SRD5A3: variants seen among roughly 807,000 people sequenced by gnomAD.
SRD5A3 encodes polyprenal reductase.
A neutral mutation model predicts 34.3 loss-of-function variants in SRD5A3; 24 were observed. The observed-to-expected ratio is 0.70, with a 90% CI of 0.51 to 0.99. The LOEUF is 0.99. Among genes scored for constraint, SRD5A3 ranks in the 50% least tolerant of loss-of-function variants. The pLI is 0.00. For missense variants in SRD5A3, 350 were observed against 388.2 expected, an observed-to-expected ratio of 0.90 and a Z score of 0.83; for synonymous variants, 161 against 167.3, an observed-to-expected ratio of 0.96 and a Z score of 0.29.
In SRD5A3 at chr4:55,372,532, G is replaced by A. The variant is rs1315938512; in HGVS notation, c.*2441G>A. The A allele has an allele frequency of 1.3e-5, 2 of 152,136 alleles. No homozygotes were observed. Among genetic ancestry groups the A allele is most frequent in the African/African-American group, 4.8e-5 (2 of 41,416 alleles). 9.4% of individuals were successfully genotyped at this position (152,136 alleles called of 1,614,324 possible). On this transcript the variant is annotated 3_prime_UTR_variant, in exon 5 of 5. Transcript: ENST00000264228. ...GCCTTTGGTGAAAGCGTCACCGATG[G>A]GAAATAATTGAGAATTGTGCAGTGC...
chr4:55,353,082 G>C (rs1217378417), intron 1 of SRD5A3, among the ~76,000 whole-genome samples: 1 of 152,188 alleles, frequency 6.6e-6, no homozygotes, highest in Non-Finnish European at 1.5e-5. Context: ...AGGATGATTG[G>C]CCATCATGTG....
intron 1 of SRD5A3, among the ~76,000 whole-genome samples, chr4:55,357,343 A>G (rs1177424920): frequency 6.6e-6 from 1 of 152,256 alleles, no homozygotes; most frequent in Non-Finnish European, 1.5e-5. Context: ...TTAAGTACGT[A>G]AAGTGGCTGG....
At chr4:55,362,927 C>T (rs111888929) in intron 2 of SRD5A3, among the ~76,000 whole-genome samples, 1 of 150,694 alleles carries the variant, frequency 6.6e-6, no homozygotes, top group South Asian at 2.1e-4. Flanking sequence ...CTCACTGCAA[C>T]CTCCACCTCC....
intron 1 of SRD5A3, among the ~76,000 whole-genome samples, chr4:55,350,060 A>G (rs908591850): frequency 1.3e-5 from 2 of 152,130 alleles, no homozygotes; most frequent in Non-Finnish European, 2.9e-5. Flanking sequence ...TCTTGTTAGT[A>G]GACACATTAA....
rs541054119 is a variant in SRD5A3, at chr4:55,364,127, A to G, written c.418A>G (p.Ser140Gly). 49 of 1,614,222 alleles carry G rather than the reference A, an allele frequency of 3.0e-5. 1 individual carries two copies. The South Asian group carries it at 5.1e-4, about 17-fold the overall frequency. Residue 140 changes from serine to glycine, a missense_variant, in exon 3 of 5, where the codon AGC (serine) becomes GGC (glycine). Around this residue, in one of 3 missense-constraint regions of SRD5A3, gnomAD observed 186 missense variants for 221.4 expected, o/e 0.84. Coordinates refer to ENST00000264228, the MANE Select transcript of SRD5A3 (RefSeq NM_024592.5). ...FLVLVFLWLH[S>G]LRRLFECLYV... is the part of the protein sequence containing the mutation. ...AGTGCTAGTATTTCTGTGGCTGCAC[A>G]GCTTACGAAGACTCTTCGAGTGCCT... is the stretch of plus-strand genomic sequence containing the variant.
chr4:55,348,549 A>G (rs1350958013), intron 1 of SRD5A3, among the ~76,000 whole-genome samples: 2 of 152,208 alleles, frequency 1.3e-5, no homozygotes, highest in Non-Finnish European at 2.9e-5. Context: ...TATCATTTAA[A>G]AAAATGTGCT....
At chr4:55,348,287 G>T (rs1278008286) in intron 1 of SRD5A3, among the ~76,000 whole-genome samples, 1 of 152,062 alleles carries the variant, frequency 6.6e-6, no homozygotes, top group Non-Finnish European at 1.5e-5. Flanking sequence ...TTTAGTACTG[G>T]AGAAGGTACA....
chr4:55,352,155 C>A, intron 1 of SRD5A3: 1 of 860,438 alleles, frequency 1.2e-6, no homozygotes, highest in South Asian at 1.3e-5. Context: ...TGCACTAAGT[C>A]TGGTTTGGCT....
chr4:55,352,001 T>A (rs1357353609), intron 1 of SRD5A3: 3 of 763,924 alleles, frequency 3.9e-6, no homozygotes, highest in Non-Finnish European at 7.3e-6. Flanking sequence ...GGTTCCTTTG[T>A]GTGTACATGG....
Position 55,367,689 on chromosome 4 carries a change from G to T in SRD5A3, c.664G>T (p.Val222Phe), listed in dbSNP as rs1468447533. ...WSSAHQYKCHVILGNLRKNKA... is the reference protein window; with the variant it reads ...WSSAHQYKCHFILGNLRKNKA... Reference sequence around the variant, plus strand: ...ATCTGCCCATCAGTATAAGTGCCATGTTATTCTCGGCAATCTCAGGAAAAA... The same window carrying T: ...ATCTGCCCATCAGTATAAGTGCCATTTTATTCTCGGCAATCTCAGGAAAAA... The change falls in exon 4 of 5, where the codon GTT (valine) becomes TTT (phenylalanine). Residue 222 changes from valine (V) to phenylalanine (F), a missense_variant. Around this residue, in one of 3 missense-constraint regions of SRD5A3, gnomAD observed 186 missense variants for 221.4 expected, o/e 0.84. Transcript: ENST00000264228. 1.2e-6 allele frequency: 2 copies of T among 1,613,892 alleles called. No individual in the cohort carries two copies. The highest frequency in any genetic ancestry group is 8.5e-7 in the Non-Finnish European group (1 of 1,179,780).
At chr4:55,362,317 A>AG (rs781372446) in intron 2 of SRD5A3, among the ~76,000 whole-genome samples, 1 of 151,688 alleles carries the variant, frequency 6.6e-6, no homozygotes, top group Non-Finnish European at 1.5e-5. Context: ...TAGTAGAGAC[A>AG]GGGTTTCACT....
At position 55,369,821 on chromosome 4, in the gene SRD5A3, T is replaced by TA; in HGVS notation, c.698-10dup. On this transcript the variant is annotated splice_polypyrimidine_tract_variant and intron_variant, in intron 4 of 4. Coordinates refer to ENST00000264228, the MANE Select transcript of SRD5A3 (RefSeq NM_024592.5). ...TTTAAATGCTTATGAGATCTTCTTT[T>TA]ACCCTTTCAGGAGTGGTCATTCACT... 6.2e-7 allele frequency: 1 copy of TA among 1,614,184 alleles called. No individual in the cohort carries two copies. The highest frequency in any genetic ancestry group is 8.5e-7 in the Non-Finnish European group (1 of 1,180,016).
intron 2 of SRD5A3, among the ~76,000 whole-genome samples, chr4:55,361,740 G>T (rs1225359409): frequency 2.0e-5 from 3 of 152,186 alleles, no homozygotes; most frequent in East Asian, 3.9e-4. Flanking sequence ...GGAAGCAAAG[G>T]TTGCAGTAAG....
chr4:55,365,881 G>A (rs755163504), intron 3 of SRD5A3, among the ~76,000 whole-genome samples: 3 of 152,202 alleles, frequency 2.0e-5, no homozygotes, highest in Non-Finnish European at 2.9e-5. Context: ...CCAGAGTCTT[G>A]ATGGGCCTGC....
intron 1 of SRD5A3, among the ~76,000 whole-genome samples, chr4:55,353,354 C>T (rs1343466029): frequency 6.6e-6 from 1 of 152,094 alleles, no homozygotes; most frequent in Non-Finnish European, 1.5e-5. Flanking sequence ...CCAATCAGCG[C>T]TCTGTGTCTA....
intron 3 of SRD5A3, among the ~76,000 whole-genome samples, chr4:55,366,272 G>A (rs1318777817): frequency 1.3e-5 from 2 of 152,180 alleles, no homozygotes; most frequent in African/African-American, 4.8e-5. Flanking sequence ...TGAACTTCCA[G>A]ACACTGTAAC....
rs758792996 is a variant in SRD5A3, at chr4:55,346,396, C to T, written c.60C>T (p.Leu20=). The T allele has an allele frequency of 6.3e-7, 1 of 1,586,064 alleles. No homozygotes were observed. Among genetic ancestry groups the T allele is most frequent in the African/African-American group, 1.4e-5 (1 of 72,556 alleles). The change falls in exon 1 of 5, where the codon CTC becomes CTT. Residue 20 remains leucine (L), a synonymous_variant. Coordinates refer to ENST00000264228, the MANE Select transcript of SRD5A3 (RefSeq NM_024592.5). ...SALNPLRAVW[L]TLTAAFLLTL... is the part of the protein sequence containing the mutation. The stretch of plus-strand genomic sequence containing the variant: ...TGAACCCGCTGCGCGCGGTGTGGCT[C>T]ACGCTGACCGCCGCCTTCCTGCTGA...
chr4:55,346,637 G>A (rs925025342), intron 1 of SRD5A3, 80 bp downstream of exon 1: 1 of 1,347,916 alleles, frequency 7.4e-7, no homozygotes. Flanking sequence ...CAGCCAGCAG[G>A]GGGCAGCAGA....
chr4:55,352,332 T>G, intron 1 of SRD5A3: 3 of 789,252 alleles, frequency 3.8e-6, no homozygotes, highest in Non-Finnish European at 7.0e-6. Flanking sequence ...TTTATCCTTT[T>G]CTGTAAGCCT....
Sources: allele counts gnomAD v4.1 joint callset (sites outside exome capture counted in the v4.1 genomes callset), GRCh38; gene constraint gnomAD v4.1.1; regional missense constraint gnomAD v4.1.1; transcripts MANE v1.5; gene names NCBI Gene and HGNC (gene_info 2026-07-23, HGNC 2026-07-21).